Variants in ACACA observed in about 807,000 individuals in gnomAD.
ACACA encodes acetyl-CoA carboxylase 1.
Under a neutral mutation model 296.1 loss-of-function variants are expected in ACACA, and 103 were observed. The observed-to-expected ratio is 0.35, with a 90% confidence interval of 0.30 to 0.41. The LOEUF (loss-of-function observed/expected upper bound fraction) is 0.41, where lower values mean the gene tolerates loss of function less well. Ranked by LOEUF, ACACA falls within the 10% of genes least tolerant of loss-of-function variation. ACACA has a pLI of 1.00. For missense variants in ACACA, 1,554 were observed against 2,989.7 expected (o/e 0.52, Z 11.20); for synonymous variants, 953 against 1,038.6 (o/e 0.92, Z 1.58).
intron 29 of ACACA, among the ~76,000 whole-genome samples, chr17:37,216,125 A>AACACACACAC (rs745794412): frequency 1.2e-4 from 15 of 124,568 alleles, no homozygotes; most frequent in South Asian, 9.8e-4. Flanking sequence ...TAAAAAAGGA[A>AACACACACAC]ACACACACAC....
At position 37,268,741 on chromosome 17, in the gene ACACA, C is replaced by CTATCTATCTATATATA. The variant is rs1219982787; in HGVS notation, c.1119+2009_1119+2010insTATATATAGATAGATA. 2.0e-4 allele frequency among the ~76,000 whole-genome samples: 19 copies of CTATCTATCTATATATA among 94,504 alleles called. 1 individual carries two copies. Among genetic ancestry groups the CTATCTATCTATATATA allele is most frequent in the African/African-American group, 7.2e-4 (18 of 24,900 alleles). The allele number at this position is 94,504 out of a possible 152,430, so 62.0% of individuals were successfully genotyped here. ...TCTATCTATCTATCTATCTATCTAT[C>CTATCTATCTATATATA]TATATATATATATATATATATATAT... is the stretch of plus-strand genomic sequence containing the variant. On this transcript the variant is annotated intron_variant, in intron 10 of 55. Coordinates refer to ENST00000616317, the MANE Select transcript of ACACA (RefSeq NM_198834.3).
intron 47 of ACACA, among the ~76,000 whole-genome samples, chr17:37,126,086 ATAACT>A (rs1567691839): frequency 1.3e-5 from 2 of 152,228 alleles, no homozygotes. Flanking sequence ...TTTTAAATAA[ATAACT>A]TGACTTTCTT....
At chr17:37,216,181 T>TAC (rs1555600618) in intron 29 of ACACA, among the ~76,000 whole-genome samples, 17 of 122,894 alleles carry the variant, frequency 1.4e-4, no homozygotes, top group African/African-American at 5.7e-4. Flanking sequence ...TACATATACA[T>TAC]ACACACACGT....
At position 37,155,727 on chromosome 17, in the gene ACACA, G is replaced by A. The variant is rs757250697; in HGVS notation, c.5403C>T (p.Leu1801=). 7 of 1,611,542 alleles carry A rather than the reference G, an allele frequency of 4.3e-6. No individual in the cohort carries two copies. The highest frequency in any genetic ancestry group is 1.1e-5 in the South Asian group (1 of 91,048). The change falls in exon 43 of 56, where the codon CTC becomes CTT. Residue 1801 remains leucine (L), a synonymous_variant. Coordinates refer to ENST00000616317, the MANE Select transcript of ACACA (RefSeq NM_198834.3). ...TPQDYKRVSA[L]NSVHCEHVED... is the part of the protein sequence containing the mutation. ...CCACGTGTTCACAATGGACAGAGTTGAGAGCACTGACTCTCTTATAATCTT... is the reference window on the plus strand; with the variant it reads ...CCACGTGTTCACAATGGACAGAGTTAAGAGCACTGACTCTCTTATAATCTT...
chr17:37,086,959 T>C lies in ACACA; in HGVS notation c.*357A>G, dbSNP rs1239390714. The C allele has an allele frequency of 8.3e-6, 3 of 362,392 alleles. No individual in the cohort carries two copies. Among genetic ancestry groups the C allele is most frequent in the Non-Finnish European group, 1.6e-5 (3 of 188,092 alleles). 22.4% of individuals were successfully genotyped at this position (362,392 alleles called of 1,614,324 possible). On this transcript the variant is annotated 3_prime_UTR_variant, in exon 56 of 56. Transcript: ENST00000616317. ...CTGGGCAACTCCTCACGCTTCCCCATGCTGGGAGGCCAAGGGGCTGTCAGG... is the reference window on the plus strand; with the variant it reads ...CTGGGCAACTCCTCACGCTTCCCCACGCTGGGAGGCCAAGGGGCTGTCAGG...
At chr17:37,371,419 G>C (rs1164713944) in intron 1 of ACACA, among the ~76,000 whole-genome samples, 1 of 152,028 alleles carries the variant, frequency 6.6e-6, no homozygotes, top group Non-Finnish European at 1.5e-5. Context: ...AATAAAGATT[G>C]GGAGGAGGAA....
intron 1 of ACACA, among the ~76,000 whole-genome samples, chr17:37,395,053 A>C (rs2051032207): frequency 2.0e-5 from 3 of 152,278 alleles, no homozygotes; most frequent in Admixed American, 2.0e-4. Context: ...TGGTTAATAT[A>C]TCTCTTTATG....
chr17:37,249,041 C>T (rs573907204), intron 16 of ACACA, among the ~76,000 whole-genome samples: 17 of 152,124 alleles, frequency 1.1e-4, no homozygotes, highest in African/African-American at 2.2e-4. Flanking sequence ...TCCTGGTAAC[C>T]GTCATTCTAC....
chr17:37,387,988 CTCTG>C (rs914874599), intron 1 of ACACA: 2 of 152,090 alleles, frequency 1.3e-5, no homozygotes, highest in African/African-American at 4.8e-5. Context: ...TATAATGAGA[CTCTG>C]TCTGTATAAA....
At chr17:37,141,445 T>G (rs1253817252) in intron 45 of ACACA, 1 of 285,044 alleles carries the variant, frequency 3.5e-6, no homozygotes, top group African/African-American at 2.2e-5. Flanking sequence ...AATTATTTTG[T>G]AGAGGGGGTC....
intron 46 of ACACA, 26 bp downstream of exon 46, chr17:37,130,049 G>A (rs2075015687): frequency 1.2e-6 from 2 of 1,613,898 alleles, no homozygotes; most frequent in Non-Finnish European, 8.5e-7. Flanking sequence ...TGCAGGCCAT[G>A]TCAGTGCTGG....
chr17:37,248,990 C>CCCA (rs2080851070), intron 16 of ACACA, among the ~76,000 whole-genome samples: 1 of 152,206 alleles, frequency 6.6e-6, no homozygotes, highest in Non-Finnish European at 1.5e-5. Context: ...AAGTGAAACT[C>CCCA]TACACCCATT....
At chr17:37,305,898 T>G (rs1406317404) in intron 3 of ACACA, among the ~76,000 whole-genome samples, 1 of 96,390 alleles carries the variant, frequency 1.0e-5, no homozygotes, top group Non-Finnish European at 1.7e-5. Flanking sequence ...AGCAGTTTTT[T>G]TTTTTGTTTT....
chr17:37,223,773 TCCTCATAGGGC>T (rs1197901286), intron 27 of ACACA, among the ~76,000 whole-genome samples, 172 bp from the exon 28 acceptor site: 1 of 152,212 alleles, frequency 6.6e-6, no homozygotes, highest in African/African-American at 2.4e-5. Flanking sequence ...AAAATACCTA[TCCTCATAGGGC>T]TGTTGTATTA....
chr17:37,166,312 T>A (rs1041261496), intron 41 of ACACA, among the ~76,000 whole-genome samples: 2 of 151,206 alleles, frequency 1.3e-5, no homozygotes, highest in African/African-American at 4.9e-5. Flanking sequence ...TAATTTTTTT[T>A]ATTTTTTGTA....
At chr17:37,227,632 G>T (rs1308633287) in intron 25 of ACACA, among the ~76,000 whole-genome samples, 2 of 152,148 alleles carry the variant, frequency 1.3e-5, no homozygotes, top group Non-Finnish European at 2.9e-5. Context: ...ACTTTGGGAG[G>T]CCGAGGCGTG....
At chr17:37,373,624 C>T (rs973811057) in intron 1 of ACACA, among the ~76,000 whole-genome samples, 9 of 152,188 alleles carry the variant, frequency 5.9e-5, no homozygotes, top group African/African-American at 2.2e-4. Context: ...TCTTAGACTT[C>T]ATCTTTCGCC....
rs1301683474 is a variant in ACACA, at chr17:37,248,501, C to T, written c.2163+92G>A. 6.4e-6 allele frequency: 6 copies of T among 944,288 alleles called. 1 individual carries two copies. The highest frequency in any genetic ancestry group is 4.0e-5 in the South Asian group (3 of 75,918). The allele number at this position is 944,288 out of a possible 1,614,324, so 58.5% of individuals were successfully genotyped here. ...CGGTAATTTCACTAATACCCCCATC[C>T]CTGCATTAAATCAAACTTTTTCTCC... On this transcript the variant is annotated intron_variant, in intron 17 of 55. Coordinates refer to ENST00000616317, the MANE Select transcript of ACACA (RefSeq NM_198834.3).
At chr17:37,198,620 C>A (rs1404425054) in intron 35 of ACACA, among the ~76,000 whole-genome samples, 2 of 151,972 alleles carry the variant, frequency 1.3e-5, no homozygotes, top group Non-Finnish European at 2.9e-5. Flanking sequence ...ACTCCGTTTC[C>A]TATCTAAAGT....
Sources: allele counts gnomAD v4.1 joint callset (sites outside exome capture counted in the v4.1 genomes callset), GRCh38; gene constraint gnomAD v4.1.1; transcripts MANE v1.5; gene names NCBI Gene and HGNC (gene_info 2026-07-23, HGNC 2026-07-21).